ASTN2: variants seen among roughly 807,000 people sequenced by gnomAD.
ASTN2 encodes the protein astrotactin-2.
Under a neutral mutation model 139.8 loss-of-function variants are expected in ASTN2, and 54 were observed. The observed-to-expected ratio is 0.39, with a 90% CI of 0.31 to 0.48. The LOEUF (loss-of-function observed/expected upper bound fraction) is 0.48. Ranked by LOEUF, ASTN2 falls within the 20% of genes least tolerant of loss-of-function variation. The pLI is 0.95. For missense variants in ASTN2, 1,565 were observed against 1,725.1 expected, an observed-to-expected ratio of 0.91 and a Z score of 1.64; for synonymous variants, 756 against 719.5, an observed-to-expected ratio of 1.05 and a Z score of -0.81.
intron 13 of ASTN2, among the ~76,000 whole-genome samples, chr9:116,775,935 GAC>G (rs1209359666): frequency 6.6e-6 from 1 of 152,172 alleles, no homozygotes; most frequent in African/African-American, 2.4e-5. Flanking sequence ...GGTTGGAAGA[GAC>G]ATTCAAATCT....
At position 117,093,953 on chromosome 9, in the gene ASTN2, AT is replaced by A. The variant is rs574414767; in HGVS notation, c.1276+2090del. Among the ~76,000 whole-genome samples, 579 of 152,226 alleles carry A rather than the reference AT, an allele frequency of 3.8e-3. 2 individuals carry two copies. Among genetic ancestry groups the A allele is most frequent in the Non-Finnish European group, 6.9e-3 (468 of 68,006 alleles). On this transcript the variant is annotated intron_variant, in intron 5 of 22. Coordinates refer to ENST00000313400, the MANE Select transcript of ASTN2 (RefSeq NM_001365068.1). ...TCCTTTTCTTTTAGCATTTATCACC[AT>A]CTAATAGATTTGTATTTTGATATAA...
chr9:116,954,892 T>C (rs1356484537), intron 10 of ASTN2, among the ~76,000 whole-genome samples: 2 of 152,228 alleles, frequency 1.3e-5, no homozygotes, highest in African/African-American at 2.4e-5. Context: ...CCAGACCTAC[T>C]GAACCAGAAA....
At chr9:116,575,507 T>G (rs1853688830) in intron 19 of ASTN2, among the ~76,000 whole-genome samples, 1 of 152,106 alleles carries the variant, frequency 6.6e-6, no homozygotes, top group Non-Finnish European at 1.5e-5. Context: ...TTATAGATCA[T>G]TAGAGAAAAA....
chr9:117,168,068 T>C (rs1170371886), intron 3 of ASTN2, among the ~76,000 whole-genome samples: 1 of 152,078 alleles, frequency 6.6e-6, no homozygotes, highest in Non-Finnish European at 1.5e-5. Context: ...TCAGTTTTTT[T>C]CACCTCTAAA....
chr9:117,097,027 G>T (rs1311230384), intron 4 of ASTN2, among the ~76,000 whole-genome samples: 1 of 152,184 alleles, frequency 6.6e-6, no homozygotes, highest in Non-Finnish European at 1.5e-5. Flanking sequence ...GCAAGAGTAT[G>T]AATTGGCCAG....
At chr9:116,497,686 CAT>C (rs1022986016) in intron 19 of ASTN2, among the ~76,000 whole-genome samples, 3 of 152,000 alleles carry the variant, frequency 2.0e-5, no homozygotes, top group African/African-American at 7.2e-5. Flanking sequence ...GTATTGCTAA[CAT>C]GTGTGGGGAA....
At chr9:117,114,956 C>T (rs1829341455) in intron 4 of ASTN2, among the ~76,000 whole-genome samples, 1 of 152,094 alleles carries the variant, frequency 6.6e-6, no homozygotes, top group Non-Finnish European at 1.5e-5. Context: ...TTTTGATGTC[C>T]AGCTCAGTTG....
chr9:116,695,233 C>T (rs1477517922), intron 16 of ASTN2, among the ~76,000 whole-genome samples: 1 of 152,156 alleles, frequency 6.6e-6, no homozygotes, highest in East Asian at 1.9e-4. Flanking sequence ...TTCGTTTCCT[C>T]ATCTGTAAAA....
chr9:116,814,879 C>A (rs1196444990), intron 12 of ASTN2, among the ~76,000 whole-genome samples: 2 of 152,168 alleles, frequency 1.3e-5, no homozygotes, highest in African/African-American at 4.8e-5. Context: ...ATGGATATTA[C>A]GTGTTTCCAT....
intron 19 of ASTN2, among the ~76,000 whole-genome samples, chr9:116,606,441 AAG>A (rs141352618): frequency 2.0e-5 from 3 of 151,394 alleles, no homozygotes; most frequent in Non-Finnish European, 3.0e-5. Flanking sequence ...ACATGGGAGA[AAG>A]AGAGAGAGAG....
At chr9:117,287,782 G>A (rs900420635) in intron 2 of ASTN2, among the ~76,000 whole-genome samples, 2 of 152,170 alleles carry the variant, frequency 1.3e-5, no homozygotes, top group Non-Finnish European at 2.9e-5. Context: ...TTTAAACATT[G>A]CTTCAATGAC....
At position 116,699,868 on chromosome 9, in the gene ASTN2, G is replaced by A. The variant is rs377368040; in HGVS notation, c.2806+25903C>T. On this transcript the variant is annotated intron_variant, in intron 16 of 22. Coordinates refer to ENST00000313400, the MANE Select transcript of ASTN2 (RefSeq NM_001365068.1). This position sits in a 1 kb window ranked among gnomAD's most constrained non-coding sequence, Gnocchi z 4.2. ...ATCTTTTAATGTTTTTATTTGTTAT[G>A]TCCCCCTCCCCGCTTCCCACCTAAA... 1.8e-5 allele frequency: 17 copies of A among 934,036 alleles called. No individual in the cohort carries two copies. The African/African-American group carries it at 2.2e-4, about 12-fold the overall frequency. 57.9% of individuals were successfully genotyped at this position (934,036 alleles called of 1,614,324 possible). A position where few individuals can be genotyped will look rare whatever the true frequency, so the allele number is the denominator to read the frequency against.
intron 6 of ASTN2, among the ~76,000 whole-genome samples, chr9:117,018,851 A>T (rs757300564): frequency 1.2e-4 from 19 of 152,126 alleles, no homozygotes; most frequent in Non-Finnish European, 2.5e-4. Context: ...ATACCAGTAG[A>T]GGGTAGGTGT....
chr9:117,332,841 T>G (rs1211950391), intron 1 of ASTN2, among the ~76,000 whole-genome samples: 1 of 152,202 alleles, frequency 6.6e-6, no homozygotes, highest in East Asian at 1.9e-4. Flanking sequence ...GAAATACAGA[T>G]GCATGCTAAA....
chr9:116,535,086 T>A (rs146435479), intron 19 of ASTN2, among the ~76,000 whole-genome samples: 1 of 152,342 alleles, frequency 6.6e-6, no homozygotes, highest in East Asian at 1.9e-4. Context: ...TAGCTCTTCT[T>A]GTTGAATTGG....
intron 19 of ASTN2, among the ~76,000 whole-genome samples, chr9:116,529,089 C>T (rs1310263046): frequency 6.6e-6 from 1 of 152,170 alleles, no homozygotes; most frequent in East Asian, 1.9e-4. Flanking sequence ...GAGCCACCAT[C>T]CTCCAGACCC....
At chr9:116,655,891 G>C (rs1226359139) in intron 16 of ASTN2, among the ~76,000 whole-genome samples, 1 of 151,698 alleles carries the variant, frequency 6.6e-6, no homozygotes, top group African/African-American at 2.4e-5. Context: ...TGTTGTTGTT[G>C]TTGTTTTGTA....
intron 19 of ASTN2, among the ~76,000 whole-genome samples, chr9:116,514,751 T>C (rs1215011366): frequency 6.6e-6 from 1 of 152,166 alleles, no homozygotes. Context: ...CAGACTGCTG[T>C]GCAAGCAGTA....
chr9:116,428,600 C>A (rs991780947), intron 22 of ASTN2, among the ~76,000 whole-genome samples: 6 of 151,852 alleles, frequency 4.0e-5, no homozygotes, highest in Non-Finnish European at 8.8e-5. Flanking sequence ...GGCTACAATA[C>A]AGTGTACTAG....
Sources: allele counts gnomAD v4.1 joint callset (sites outside exome capture counted in the v4.1 genomes callset), GRCh38; gene constraint gnomAD v4.1.1; non-coding constraint Gnocchi (gnomAD v3.1); transcripts MANE v1.5; gene names NCBI Gene and HGNC (gene_info 2026-07-23, HGNC 2026-07-21).